The following PCCA variants were observed in gnomAD, a reference collection of about 807,000 sequenced individuals.
PCCA encodes propionyl-CoA carboxylase alpha chain, mitochondrial.
A neutral mutation model predicts 101.3 loss-of-function variants in PCCA; 74 were observed. That is an observed-to-expected ratio of 0.73 (90% CI 0.61 to 0.89). The LOEUF is 0.89. Among genes scored for constraint, PCCA ranks in the 40% least tolerant of loss-of-function variants. PCCA has a pLI of 0.00. For missense variants in PCCA, 891 were observed against 907.0 expected (o/e 0.98, Z 0.23); for synonymous variants, 294 against 313.6 (o/e 0.94, Z 0.66).
chr13:100,451,629 C>T (rs1002884587), intron 21 of PCCA, among the ~76,000 whole-genome samples: 8 of 151,800 alleles, frequency 5.3e-5, no homozygotes, highest in Non-Finnish European at 1.0e-4. Flanking sequence ...CTCAGTTTTT[C>T]CTCTCTCTGA....
intron 21 of PCCA, among the ~76,000 whole-genome samples, chr13:100,452,750 C>T (rs996700609): frequency 3.3e-5 from 5 of 152,104 alleles, no homozygotes; most frequent in South Asian, 4.1e-4. Flanking sequence ...TGATAAGCTC[C>T]TTGAGTGCAG....
At chr13:100,460,703 A>G (rs1368315658) in intron 21 of PCCA, among the ~76,000 whole-genome samples, 1 of 152,244 alleles carries the variant, frequency 6.6e-6, no homozygotes, top group Non-Finnish European at 1.5e-5. Context: ...ACAAAGATTT[A>G]CCATTAAGAA....
chr13:100,093,150 G>T (rs1285341465), intron 1 of PCCA, among the ~76,000 whole-genome samples: 4 of 120,118 alleles, frequency 3.3e-5, no homozygotes, highest in Non-Finnish European at 6.8e-5. Context: ...TTTTTTGGTG[G>T]GGCTGGAAAC....
intron 4 of PCCA, among the ~76,000 whole-genome samples, chr13:100,125,528 C>T (rs2049873796): frequency 6.6e-6 from 1 of 152,118 alleles, no homozygotes; most frequent in Admixed American, 6.6e-5. Flanking sequence ...TAAAAAATGG[C>T]ATAATGGCTT....
chr13:100,170,546 A>G (rs1295422091), intron 6 of PCCA, among the ~76,000 whole-genome samples: 1 of 152,232 alleles, frequency 6.6e-6, no homozygotes, highest in African/African-American at 2.4e-5. Flanking sequence ...TTCCAAGCAC[A>G]GAGTATTCTT....
At chr13:100,238,882 C>G (rs1182795698) in intron 8 of PCCA, among the ~76,000 whole-genome samples, 1 of 152,150 alleles carries the variant, frequency 6.6e-6, no homozygotes, top group African/African-American at 2.4e-5. Flanking sequence ...GATTTATAAT[C>G]AAACCTTTGA....
chr13:100,172,493 G>A (rs1365454554), intron 6 of PCCA, among the ~76,000 whole-genome samples: 1 of 151,968 alleles, frequency 6.6e-6, no homozygotes, highest in Non-Finnish European at 1.5e-5. Flanking sequence ...TAATTTTTAT[G>A]CTTTGTAGCT....
At chr13:100,256,215 C>T (rs540708387) in intron 8 of PCCA, among the ~76,000 whole-genome samples, 32 of 152,190 alleles carry the variant, frequency 2.1e-4, no homozygotes, top group African/African-American at 7.0e-4. Flanking sequence ...CCATGTTGGC[C>T]AGGATGGTCT....
chr13:100,157,774 C>T (rs1031011080), intron 6 of PCCA, among the ~76,000 whole-genome samples: 2 of 152,026 alleles, frequency 1.3e-5, no homozygotes, highest in African/African-American at 4.8e-5. Flanking sequence ...GGTGAATTAA[C>T]GTATGTTTGT....
chr13:100,316,557 A>C (rs896965667), intron 16 of PCCA, among the ~76,000 whole-genome samples: 1 of 152,198 alleles, frequency 6.6e-6, no homozygotes, highest in Non-Finnish European at 1.5e-5. Context: ...GAATATTATC[A>C]GTCACAAATT....
intron 17 of PCCA, among the ~76,000 whole-genome samples, chr13:100,332,493 T>TG (rs1266837819): frequency 6.6e-6 from 1 of 152,030 alleles, no homozygotes; most frequent in Non-Finnish European, 1.5e-5. Context: ...ATTATATGCA[T>TG]GTATGGGTAT....
At chr13:100,409,162 T>A (rs887178762) in intron 19 of PCCA, among the ~76,000 whole-genome samples, 1 of 152,094 alleles carries the variant, frequency 6.6e-6, no homozygotes, top group African/African-American at 2.4e-5. Flanking sequence ...TATGGAAAGG[T>A]CGGGTTGGTT....
At chr13:100,327,281 G>A (rs1448433182) in intron 16 of PCCA, among the ~76,000 whole-genome samples, 10 of 152,064 alleles carry the variant, frequency 6.6e-5, no homozygotes, top group Non-Finnish European at 1.2e-4. Context: ...CTGTAGGCTC[G>A]TTTGCATGTC....
At chr13:100,348,930 TTTTC>T (rs147671476) in intron 18 of PCCA, among the ~76,000 whole-genome samples, 26,031 of 100,344 alleles carry the variant, frequency 0.26, 4,098 homozygotes, top group Non-Finnish European at 0.31. Context: ...TTTTCTTTTC[TTTTC>T]TTTCTTTTCT....
chr13:100,185,847 A>G (rs1472447014), intron 6 of PCCA, among the ~76,000 whole-genome samples: 1 of 151,824 alleles, frequency 6.6e-6, no homozygotes, highest in Admixed American at 6.6e-5. Flanking sequence ...GGGTTTCTCC[A>G]TGTTGGTGAG....
intron 1 of PCCA, 25 bp downstream of exon 1, chr13:100,089,250 G>T (rs1168336264): frequency 6.8e-7 from 1 of 1,473,706 alleles, no homozygotes; most frequent in Non-Finnish European, 9.0e-7. Context: ...GGCCTCGCGG[G>T]TCCGGGCTTC....
chr13:100,230,665 C>T (rs922597239), intron 7 of PCCA, among the ~76,000 whole-genome samples: 1 of 152,152 alleles, frequency 6.6e-6, no homozygotes, highest in African/African-American at 2.4e-5. Flanking sequence ...CTCTTCAGAT[C>T]CCTCTTGCCT....
chr13:100,466,216 G>C (rs889585767), intron 21 of PCCA: 4 of 152,240 alleles, frequency 2.6e-5, no homozygotes, highest in African/African-American at 9.6e-5. Context: ...AGACATATTA[G>C]AGTGTGATAA....
intron 21 of PCCA, chr13:100,491,750 T>C: frequency 1.6e-6 from 2 of 1,261,956 alleles, no homozygotes; most frequent in Non-Finnish European, 2.1e-6. Context: ...AGCTCTCGGT[T>C]TGTACAAGCT....
Sources: allele counts gnomAD v4.1 joint callset (sites outside exome capture counted in the v4.1 genomes callset), GRCh38; gene constraint gnomAD v4.1.1; transcripts MANE v1.5; gene names NCBI Gene and HGNC (gene_info 2026-07-23, HGNC 2026-07-21).